Variants in AFAP1 observed in about 807,000 individuals in gnomAD.
The protein encoded by AFAP1 is actin filament-associated protein 1.
In AFAP1, 75 loss-of-function variants were observed where a neutral mutation model predicts 93.9. That is an observed-to-expected ratio of 0.80 (90% CI 0.66 to 0.97). The LOEUF is 0.97. Ranked by LOEUF, AFAP1 falls within the 50% of genes least tolerant of loss-of-function variation. The pLI is 0.00. For synonymous variants in AFAP1, 517 were observed against 430.7 expected (o/e 1.20, Z -2.48); for missense variants, 1,201 against 1,050.8 (o/e 1.14, Z -1.98).
chr4:7,840,305 GGTGTGTGTGTGT>G (rs5855989), intron 5 of AFAP1, among the ~76,000 whole-genome samples: 4 of 131,282 alleles, frequency 3.0e-5, no homozygotes, highest in Non-Finnish European at 3.4e-5. Flanking sequence ...TTGTTTTTGG[GGTGTGTGTGTGT>G]GTGTGTGTGT....
At chr4:7,803,509 G>A (rs558258975) in intron 9 of AFAP1, among the ~76,000 whole-genome samples, 2 of 151,794 alleles carry the variant, frequency 1.3e-5, no homozygotes, top group African/African-American at 2.4e-5. Context: ...CAGGGGGACC[G>A]GCCCTGATCC....
chr4:7,926,285 T>C (rs1338218334), intron 1 of AFAP1, among the ~76,000 whole-genome samples: 2 of 152,208 alleles, frequency 1.3e-5, no homozygotes, highest in African/African-American at 4.8e-5. Context: ...TGTGCCATAA[T>C]ATCTAACTCT....
chr4:7,764,908 C>A (rs1408733749), intron 17 of AFAP1, among the ~76,000 whole-genome samples: 3 of 152,150 alleles, frequency 2.0e-5, no homozygotes, highest in African/African-American at 7.2e-5. Flanking sequence ...GAGTTTAAGA[C>A]CAGCCTGAGC....
chr4:7,871,706 C>A (rs752297639), intron 2 of AFAP1, among the ~76,000 whole-genome samples: 1 of 152,184 alleles, frequency 6.6e-6, no homozygotes, highest in African/African-American at 2.4e-5. Context: ...AATCTCCAAA[C>A]GCTGGGGTTG....
At chr4:7,813,694 T>A (rs931321964) in intron 8 of AFAP1, among the ~76,000 whole-genome samples, 5 of 152,198 alleles carry the variant, frequency 3.3e-5, no homozygotes, top group Non-Finnish European at 7.3e-5. Flanking sequence ...ACACAGATAA[T>A]ACTTTCCACT....
rs1713422546 is a variant in AFAP1 at position 7,759,187 on chromosome 4, A to G, written c.*4578T>C. 1 of 152,678 alleles carries G rather than the reference A, an allele frequency of 6.5e-6. No homozygotes were observed. Among genetic ancestry groups the G allele is most frequent in the Non-Finnish European group, 1.5e-5 (1 of 68,040 alleles). 9.5% of individuals were successfully genotyped at this position (152,678 alleles called of 1,614,324 possible). On this transcript the variant is annotated 3_prime_UTR_variant, in exon 18 of 18. Transcript: ENST00000420658. Reference sequence around the variant, plus strand: ...TATTTCCTTTCTTGTTAGAAAATCAAAAAGATTATCTCATTAAAAACACCT... The same window carrying G: ...TATTTCCTTTCTTGTTAGAAAATCAGAAAGATTATCTCATTAAAAACACCT...
chr4:7,927,112 T>C (rs1450279740), intron 1 of AFAP1, among the ~76,000 whole-genome samples: 1 of 152,196 alleles, frequency 6.6e-6, no homozygotes, highest in Non-Finnish European at 1.5e-5. Flanking sequence ...GCTTGAAGAA[T>C]CCCTGTTTTT....
intron 16 of AFAP1, among the ~76,000 whole-genome samples, chr4:7,770,437 A>G (rs896779885): frequency 6.6e-5 from 10 of 152,196 alleles, no homozygotes; most frequent in African/African-American, 2.4e-4. Context: ...AGCCACATCC[A>G]GAAAGTGAAG....
chr4:7,831,947 G>T (rs191357820), intron 6 of AFAP1, among the ~76,000 whole-genome samples: 109 of 152,238 alleles, frequency 7.2e-4, no homozygotes, highest in African/African-American at 2.5e-3. Flanking sequence ...CTGTCAGATG[G>T]CCCAACACAG....
At chr4:7,838,731 T>C (rs759999767) in intron 5 of AFAP1, 28 bp from the exon 6 acceptor site, 4 of 1,610,698 alleles carry the variant, frequency 2.5e-6, no homozygotes. Context: ...AATCAACTGA[T>C]ATTATAAGGG....
At chr4:7,767,119 C>G (rs567667707) in intron 17 of AFAP1, among the ~76,000 whole-genome samples, 57 of 152,326 alleles carry the variant, frequency 3.7e-4, no homozygotes, top group African/African-American at 1.3e-3. Flanking sequence ...GGGAACCCTG[C>G]TCAGTCCGTC....
intron 14 of AFAP1, chr4:7,776,718 G>A (rs1335174093): frequency 1.3e-5 from 2 of 152,182 alleles, no homozygotes; most frequent in African/African-American, 2.4e-5. Flanking sequence ...AAAAGCGTCG[G>A]CAGCCTGAGG....
chr4:7,896,840 T>C (rs550648033), intron 1 of AFAP1, among the ~76,000 whole-genome samples: 1 of 110,478 alleles, frequency 9.1e-6, no homozygotes, highest in Non-Finnish European at 1.8e-5. Context: ...CCACACCCAA[T>C]GCTCAGTCCC....
At chr4:7,846,871 C>T (rs973355849) in intron 4 of AFAP1, among the ~76,000 whole-genome samples, 3 of 152,228 alleles carry the variant, frequency 2.0e-5, no homozygotes, top group African/African-American at 7.2e-5. Flanking sequence ...CTACGAGATT[C>T]ATCCAGGAGC....
At position 7,865,677 on chromosome 4, in the gene AFAP1, T is replaced by C. The variant is rs190328927; in HGVS notation, c.225+2945A>G. Among the ~76,000 whole-genome samples the C allele has an allele frequency of 4.3e-3, 662 of 152,270 alleles. 7 individuals are homozygous for C. The highest frequency in any genetic ancestry group is 0.014 in the African/African-American group (579 of 41,544). On this transcript the variant is annotated intron_variant, in intron 3 of 17. Coordinates refer to ENST00000420658, the MANE Select transcript of AFAP1 (RefSeq NM_001134647.2). ...CAGAAGTGAATCAATCATTCGATGG[T>C]TGAAAATGGTAGAAAATGCTGACTA...
intron 1 of AFAP1, among the ~76,000 whole-genome samples, chr4:7,891,336 G>A (rs1228752422): frequency 1.3e-5 from 2 of 152,206 alleles, no homozygotes; most frequent in African/African-American, 4.8e-5. Context: ...CCGTCTTCAC[G>A]GACTAGGATT....
At chr4:7,823,407 G>A (rs983725285) in intron 6 of AFAP1, among the ~76,000 whole-genome samples, 1 of 152,112 alleles carries the variant, frequency 6.6e-6, no homozygotes, top group African/African-American at 2.4e-5. Context: ...CTCGGCACTG[G>A]TTTCTAAAAT....
At chr4:7,889,669 T>C (rs1368249988) in intron 1 of AFAP1, among the ~76,000 whole-genome samples, 2 of 146,692 alleles carry the variant, frequency 1.4e-5, no homozygotes, top group Non-Finnish European at 3.0e-5. Context: ...TTATTGTACA[T>C]CAACTGTACC....
chr4:7,825,404 A>G (rs763166993), intron 6 of AFAP1, among the ~76,000 whole-genome samples: 14 of 152,256 alleles, frequency 9.2e-5, no homozygotes, highest in Non-Finnish European at 1.6e-4. Flanking sequence ...ATAAAGAGCT[A>G]TAACAACACT....
Sources: gnomAD v4.1 joint callset for allele counts (sites outside exome capture counted in the v4.1 genomes callset) on GRCh38, gnomAD v4.1.1 for gene constraint, MANE v1.5 for transcripts, NCBI Gene and HGNC (gene_info 2026-07-23, HGNC 2026-07-21) for gene names.